The following TCERG1L variants were observed in gnomAD, a reference collection of about 807,000 sequenced individuals.
TCERG1L encodes transcription elongation regulator 1 like.
A neutral mutation model predicts 56.3 loss-of-function variants in TCERG1L; 37 were observed. The ratio of observed to expected loss-of-function variants is 0.66; its 90% CI spans 0.51 to 0.87. The LOEUF is 0.87. TCERG1L is among the 40% of genes least tolerant of loss of function. TCERG1L has a pLI of 0.00. For synonymous variants in TCERG1L, 324 were observed against 326.3 expected, an observed-to-expected ratio of 0.99 and a Z score of 0.08; for missense variants, 799 against 774.2, an observed-to-expected ratio of 1.03 and a Z score of -0.38.
chr10:131,185,693 T>G (rs765796222), intron 4 of TCERG1L, among the ~76,000 whole-genome samples: 1 of 151,798 alleles, frequency 6.6e-6, no homozygotes, highest in African/African-American at 2.4e-5. Flanking sequence ...AGAGAACACA[T>G]TAAACTCACT....
At chr10:131,285,525 AG>A (rs1564833948) in intron 3 of TCERG1L, among the ~76,000 whole-genome samples, 4 of 53,256 alleles carry the variant, frequency 7.5e-5, no homozygotes, top group African/African-American at 3.3e-4. Context: ...AGAAAGAAAG[AG>A]AGAAAGAAAA....
At chr10:131,197,337 A>G (rs957167465) in intron 4 of TCERG1L, among the ~76,000 whole-genome samples, 5 of 151,974 alleles carry the variant, frequency 3.3e-5, no homozygotes, top group Admixed American at 2.0e-4. Context: ...GCCCGCCACC[A>G]TGCCCGGCTA....
intron 4 of TCERG1L, among the ~76,000 whole-genome samples, chr10:131,241,087 G>A (rs1845966601): frequency 6.6e-6 from 1 of 152,184 alleles, no homozygotes; most frequent in East Asian, 1.9e-4. Flanking sequence ...GCTCACCCCG[G>A]AGATGGAGCA....
chr10:131,311,621 G>A lies in TCERG1L; in HGVS notation c.15C>T (p.Ala5=). The A allele has an allele frequency of 8.8e-7, 1 of 1,138,290 alleles. No individual in the cohort carries two copies. Among genetic ancestry groups the A allele is most frequent in the Non-Finnish European group, 1.1e-6 (1 of 929,200 alleles). 70.5% of individuals were successfully genotyped at this position (1,138,290 alleles called of 1,614,324 possible). Residue 5 remains alanine, a synonymous_variant, in exon 1 of 12, where the codon GCC becomes GCT. Transcript: ENST00000368642. The surrounding 1 kb of genome is among the most constrained non-coding windows in gnomAD (Gnocchi z 4.0). ...GCTGCCGCCGCCGCCGCTGGAACCT[G>A]GCGCCCGCCTGCATCCTACATCCCC... MQAG[A]RFQRRRRQLQ... is the part of the protein sequence containing the mutation.
At chr10:131,306,420 TA>T (rs34905306) in intron 3 of TCERG1L, among the ~76,000 whole-genome samples, 59 of 151,466 alleles carry the variant, frequency 3.9e-4, no homozygotes, top group Non-Finnish European at 7.4e-4. Context: ...ATCCGTAAAT[TA>T]AAAAAAAGGG....
chr10:131,172,530 G>A lies in TCERG1L; in HGVS notation c.857-5645C>T, dbSNP rs1400395113. Among the ~76,000 whole-genome samples, 6 of 152,246 alleles carry A rather than the reference G, an allele frequency of 3.9e-5. No homozygotes were observed. In the East Asian group the frequency reaches 9.6e-4, roughly 24 times the overall value. Reference sequence around the variant, plus strand: ...GAAACTGGGAGGGCTTGGAGTTCTCGATTGTTGTAGACTACAGCCATTATG... The same window carrying A: ...GAAACTGGGAGGGCTTGGAGTTCTCAATTGTTGTAGACTACAGCCATTATG... On this transcript the variant is annotated intron_variant, in intron 4 of 11. Transcript: ENST00000368642.
intron 6 of TCERG1L, among the ~76,000 whole-genome samples, chr10:131,157,082 G>A (rs772883987): frequency 2.0e-5 from 3 of 152,242 alleles, no homozygotes; most frequent in Middle Eastern, 3.4e-3. Context: ...GGAATGCACC[G>A]TACTCATTTT....
At chr10:131,301,488 G>A (rs1050594325) in intron 3 of TCERG1L, among the ~76,000 whole-genome samples, 3 of 151,946 alleles carry the variant, frequency 2.0e-5, no homozygotes, top group South Asian at 2.1e-4. Flanking sequence ...CATCTCCATT[G>A]TTAGTTCTTG....
chr10:131,296,547 T>C (rs760476734), intron 3 of TCERG1L, among the ~76,000 whole-genome samples: 2 of 152,188 alleles, frequency 1.3e-5, no homozygotes, highest in Non-Finnish European at 2.9e-5. Context: ...AGCATTTAGA[T>C]CAGCTATGCC....
chr10:131,171,610 A>C (rs2133441276), intron 4 of TCERG1L, among the ~76,000 whole-genome samples: 1 of 152,310 alleles, frequency 6.6e-6, no homozygotes, highest in Non-Finnish European at 1.5e-5. Flanking sequence ...ACAGGGTCTC[A>C]CTCTGTCATC....
At chr10:131,264,409 G>A (rs1206875578) in intron 3 of TCERG1L, among the ~76,000 whole-genome samples, 3 of 152,242 alleles carry the variant, frequency 2.0e-5, no homozygotes, top group East Asian at 1.9e-4. Context: ...TGTGATACGG[G>A]TGCAAACAGA....
At chr10:131,209,650 T>C (rs1027637179) in intron 4 of TCERG1L, among the ~76,000 whole-genome samples, 2 of 152,200 alleles carry the variant, frequency 1.3e-5, no homozygotes, top group African/African-American at 4.8e-5. Flanking sequence ...TTTAATTCTA[T>C]AGGATCTGGA....
intron 3 of TCERG1L, among the ~76,000 whole-genome samples, chr10:131,261,853 A>G (rs1359516107): frequency 2.0e-5 from 3 of 152,218 alleles, no homozygotes; most frequent in African/African-American, 7.2e-5. Flanking sequence ...GTGGGCCTCA[A>G]TTGTGACTGG....
chr10:131,157,110 T>C (rs1443538207), intron 6 of TCERG1L, among the ~76,000 whole-genome samples: 1 of 152,180 alleles, frequency 6.6e-6, no homozygotes, highest in East Asian at 1.9e-4. Context: ...CGCCCCACAC[T>C]TCTTACCTTT....
Position 131,171,579 on chromosome 10 carries a change from T to C in TCERG1L, c.857-4694A>G, listed in dbSNP as rs951411258. Among the ~76,000 whole-genome samples, 4 of 152,290 alleles carry C rather than the reference T, an allele frequency of 2.6e-5. No homozygotes were observed. In the East Asian group the frequency reaches 5.8e-4, roughly 22 times the overall value. ...TACATTGAATGAAGTATCAGGAATT[T>C]ATTTATTTATTTATTTAGAGACAGG... On this transcript the variant is annotated intron_variant, in intron 4 of 11. Coordinates refer to ENST00000368642, the MANE Select transcript of TCERG1L (RefSeq NM_174937.4).
Position 131,098,307 on chromosome 10 carries a change from T to G in TCERG1L, c.1603A>C (p.Arg535=), listed in dbSNP as rs763145068. The change falls in exon 11 of 12, where the codon AGG becomes CGG. Residue 535 remains arginine, a splice_region_variant and synonymous_variant. Transcript: ENST00000368642. ...KLLEESKVSP[R]TTFKEFAEKY... Reference sequence around the variant, plus strand: ...TCCGGTATATTTCTCTCTCCATACCTGGGAGACACTTTAGATTCCTCTAGA... The same window carrying G: ...TCCGGTATATTTCTCTCTCCATACCGGGGAGACACTTTAGATTCCTCTAGA... 4 of 1,551,284 alleles carry G rather than the reference T, an allele frequency of 2.6e-6. No homozygotes were observed. The South Asian group carries it at 4.8e-5, about 18-fold the overall frequency.
At chr10:131,242,019 A>T (rs1845979474) in intron 4 of TCERG1L, among the ~76,000 whole-genome samples, 1 of 152,212 alleles carries the variant, frequency 6.6e-6, no homozygotes, top group Non-Finnish European at 1.5e-5. Flanking sequence ...TCAAAGTAAC[A>T]TTGTACAACT....
chr10:131,186,896 T>C (rs1485701941), intron 4 of TCERG1L, among the ~76,000 whole-genome samples: 1 of 152,176 alleles, frequency 6.6e-6, no homozygotes, highest in Non-Finnish European at 1.5e-5. Flanking sequence ...CACAGAAACA[T>C]TGTTAGAATA....
At chr10:131,183,882 G>A (rs1224516989) in intron 4 of TCERG1L, among the ~76,000 whole-genome samples, 1 of 152,244 alleles carries the variant, frequency 6.6e-6, no homozygotes, top group African/African-American at 2.4e-5. Context: ...GGTGTGGCAT[G>A]CTGAGCATCG....
Sources: allele counts gnomAD v4.1 joint callset (sites outside exome capture counted in the v4.1 genomes callset), GRCh38; gene constraint gnomAD v4.1.1; non-coding constraint Gnocchi (gnomAD v3.1); transcripts MANE v1.5; gene names NCBI Gene and HGNC (gene_info 2026-07-23, HGNC 2026-07-21).